The following AMPH variants were observed in gnomAD, a reference collection of about 807,000 sequenced individuals.
AMPH encodes amphiphysin (Stiff-Mann syndrome with breast cancer 128kD autoantigen).
A neutral mutation model predicts 99.1 loss-of-function variants in AMPH; 49 were observed. The observed-to-expected ratio is 0.49, with a 90% CI of 0.39 to 0.63. AMPH has a LOEUF of 0.63. AMPH is among the 20% of genes least tolerant of loss of function. The probability of loss-of-function intolerance (pLI) is 0.00; values close to 1 mark genes in which losing one functional copy is unlikely to be tolerated. For synonymous variants in AMPH, 314 were observed against 317.3 expected (o/e 0.99, Z 0.11); for missense variants, 759 against 863.4 (o/e 0.88, Z 1.52).
At chr7:38,531,843 A>T (rs1306357639) in intron 2 of AMPH, among the ~76,000 whole-genome samples, 1 of 152,182 alleles carries the variant, frequency 6.6e-6, no homozygotes. Flanking sequence ...TATGGAATCT[A>T]GGTTTCCTAG....
chr7:38,423,369 T>C (rs987958335), intron 15 of AMPH, among the ~76,000 whole-genome samples: 1 of 152,184 alleles, frequency 6.6e-6, no homozygotes, highest in Non-Finnish European at 1.5e-5. Flanking sequence ...GAGACCCAGG[T>C]GTCTTTCCTG....
intron 17 of AMPH, among the ~76,000 whole-genome samples, chr7:38,396,997 T>C (rs1784690231): frequency 6.6e-6 from 1 of 152,248 alleles, no homozygotes; most frequent in African/African-American, 2.4e-5. Flanking sequence ...TCCATCTGTC[T>C]GGAAAATCAC....
At chr7:38,522,264 C>A (rs1225909399) in intron 2 of AMPH, among the ~76,000 whole-genome samples, 1 of 152,102 alleles carries the variant, frequency 6.6e-6, no homozygotes, top group African/African-American at 2.4e-5. Flanking sequence ...ACCTTTTCCT[C>A]GGGGCATTAA....
intron 17 of AMPH, 136 bp downstream of exon 17, chr7:38,417,689 T>G: frequency 8.6e-7 from 1 of 1,166,674 alleles, no homozygotes; most frequent in Non-Finnish European, 1.2e-6. Context: ...GAAGGCTATT[T>G]GAACCTGGGA....
rs1791528506 is a variant in AMPH, at chr7:38,560,818, C to G, written c.70-25807G>C. 2.6e-5 allele frequency among the ~76,000 whole-genome samples: 4 copies of G among 152,158 alleles called. No individual in the cohort carries two copies. The South Asian group carries it at 8.3e-4, about 32-fold the overall frequency. ...GTAGCTTCGAAAAAATACTGATGCA[C>G]TAGGCCCATCCTCAGGGATGCTGAT... On this transcript the variant is annotated intron_variant, in intron 1 of 20. Coordinates refer to ENST00000356264, the MANE Select transcript of AMPH (RefSeq NM_001635.4).
intron 11 of AMPH, among the ~76,000 whole-genome samples, chr7:38,444,203 T>C (rs1430471355): frequency 6.6e-6 from 1 of 152,140 alleles, no homozygotes; most frequent in African/African-American, 2.4e-5. Context: ...GGGAGAGATA[T>C]ACTGCGTCTA....
intron 11 of AMPH, among the ~76,000 whole-genome samples, chr7:38,444,770 T>C (rs1428206503): frequency 6.6e-6 from 1 of 151,934 alleles, no homozygotes; most frequent in Admixed American, 6.6e-5. Context: ...AATAATACAA[T>C]ATCAACTTAC....
intron 1 of AMPH, among the ~76,000 whole-genome samples, chr7:38,536,358 A>G (rs1306064254): frequency 1.3e-5 from 2 of 152,216 alleles, no homozygotes; most frequent in Admixed American, 6.5e-5. Flanking sequence ...TAGCTCGTAT[A>G]TTTTCCCCAA....
intron 17 of AMPH, among the ~76,000 whole-genome samples, chr7:38,413,562 T>C (rs1785274507): frequency 1.3e-5 from 2 of 152,202 alleles, no homozygotes; most frequent in Non-Finnish European, 2.9e-5. Context: ...AGACACTTAT[T>C]TAGTTTGAGG....
chr7:38,602,124 C>T (rs567545253), intron 1 of AMPH, among the ~76,000 whole-genome samples: 8 of 152,198 alleles, frequency 5.3e-5, no homozygotes, highest in Admixed American at 2.6e-4. Context: ...CTGAGGACAG[C>T]CCAGACACTC....
chr7:38,516,581 A>C (rs1164350842), intron 2 of AMPH, among the ~76,000 whole-genome samples: 1 of 152,228 alleles, frequency 6.6e-6, no homozygotes, highest in Non-Finnish European at 1.5e-5. Flanking sequence ...GAGAACCTCT[A>C]CTAGGGCAGT....
intron 15 of AMPH, among the ~76,000 whole-genome samples, chr7:38,426,053 T>C (rs1410988790): frequency 6.6e-6 from 1 of 152,210 alleles, no homozygotes; most frequent in Non-Finnish European, 1.5e-5. Context: ...GGAATATCAG[T>C]GGGTTTTTAT....
intron 3 of AMPH, among the ~76,000 whole-genome samples, chr7:38,497,135 G>A (rs1307707540): frequency 2.0e-5 from 3 of 152,052 alleles, no homozygotes; most frequent in Non-Finnish European, 4.4e-5. Context: ...CACTTTGATG[G>A]ATACACAGGT....
intron 1 of AMPH, among the ~76,000 whole-genome samples, chr7:38,591,186 A>T (rs182387511): frequency 6.6e-6 from 1 of 152,318 alleles, no homozygotes; most frequent in East Asian, 1.9e-4. Context: ...GGGAATTTTC[A>T]AATATAAATA....
intron 4 of AMPH, 25 bp from the exon 5 acceptor site, chr7:38,491,170 C>A (rs762479973): frequency 7.3e-6 from 11 of 1,511,036 alleles, no homozygotes; most frequent in Non-Finnish European, 1.0e-5. Context: ...GAGACCACTG[C>A]TGAATTATTT....
chr7:38,578,506 A>G (rs889276815), intron 1 of AMPH, among the ~76,000 whole-genome samples: 1 of 152,204 alleles, frequency 6.6e-6, no homozygotes, highest in African/African-American at 2.4e-5. Context: ...TCACATCTGT[A>G]ATCTCAACCC....
chr7:38,533,145 GT>G (rs1023808488), intron 2 of AMPH, among the ~76,000 whole-genome samples: 5 of 152,336 alleles, frequency 3.3e-5, no homozygotes, highest in Non-Finnish European at 2.9e-5. Context: ...CAGGAGATGT[GT>G]GAAAAATCAC....
intron 14 of AMPH, among the ~76,000 whole-genome samples, chr7:38,427,421 G>C (rs1269090168): frequency 6.6e-6 from 1 of 152,128 alleles, no homozygotes; most frequent in African/African-American, 2.4e-5. Flanking sequence ...GAAACATTTC[G>C]TGTGTTCTTT....
intron 11 of AMPH, among the ~76,000 whole-genome samples, chr7:38,444,980 C>CATATATATCCATATATATATATATATAT (rs1423731934): frequency 4.7e-5 from 1 of 21,282 alleles, no homozygotes; most frequent in Admixed American, 5.9e-4. Context: ...GAAATATATC[C>CATATATATCCATATATATATATATATAT]ATATATATAC....
Sources: gnomAD v4.1 joint callset for allele counts (sites outside exome capture counted in the v4.1 genomes callset) on GRCh38, gnomAD v4.1.1 for gene constraint, MANE v1.5 for transcripts, NCBI Gene and HGNC (gene_info 2026-07-23, HGNC 2026-07-21) for gene names.